The following SOX13 variants were observed in gnomAD, a reference collection of about 807,000 sequenced individuals.
SOX13 encodes SRY-box transcription factor 13.
SOX13 carries 28 observed loss-of-function variants against 71.8 expected under a neutral mutation model. The observed-to-expected ratio is 0.39, with a 90% CI of 0.29 to 0.53. SOX13 has a LOEUF of 0.53. SOX13 is among the 20% of genes least tolerant of loss of function. SOX13 has a pLI of 0.70. For synonymous variants in SOX13, 309 were observed against 317.8 expected (o/e 0.97, Z 0.29); for missense variants, 627 against 810.3 (o/e 0.77, Z 2.75).
At chr1:204,117,038 AAGC>A in intron 5 of SOX13, 81 bp from the exon 6 acceptor site, 1 of 1,368,966 alleles carries the variant, frequency 7.3e-7, no homozygotes, top group Non-Finnish European at 1.0e-6. Context: ...CCACTGTAGA[AAGC>A]AGGGTGTGGT....
chr1:204,124,173 TGATTGGTGGCCACG>T (rs1161349001), intron 12 of SOX13, among the ~76,000 whole-genome samples: 1 of 152,210 alleles, frequency 6.6e-6, no homozygotes, highest in Non-Finnish European at 1.5e-5. Context: ...TTATATGTCC[TGATTGGTGGCCACG>T]GAGGGATGTT....
intron 1 of SOX13, among the ~76,000 whole-genome samples, chr1:204,096,818 A>T (rs746860893): frequency 6.6e-6 from 1 of 152,024 alleles, no homozygotes; most frequent in Non-Finnish European, 1.5e-5. Flanking sequence ...TCCCATCAGA[A>T]ATTCTCTACA....
intron 1 of SOX13, among the ~76,000 whole-genome samples, chr1:204,085,731 T>C (rs1350161598): frequency 6.6e-6 from 1 of 151,010 alleles, no homozygotes; most frequent in African/African-American, 2.4e-5. Flanking sequence ...TCCCAGCACT[T>C]TGGGAGGCCG....
chr1:204,122,766 C>A, intron 9 of SOX13, 88 bp from the exon 10 acceptor site: 1 of 790,644 alleles, frequency 1.3e-6, no homozygotes, highest in Non-Finnish European at 2.0e-6. Context: ...AGTGGCATGG[C>A]GGGAAGCTGA....
intron 2 of SOX13, 35 bp downstream of exon 2, chr1:204,113,169 C>A: frequency 6.8e-7 from 1 of 1,470,818 alleles, no homozygotes. Context: ...TCCTCACACC[C>A]ATGCGCTGTA....
At chr1:204,079,883 C>T (rs934829655) in intron 1 of SOX13, among the ~76,000 whole-genome samples, 7 of 150,030 alleles carry the variant, frequency 4.7e-5, no homozygotes, top group Non-Finnish European at 1.0e-4. Context: ...TGAGGTTTCC[C>T]CTGCCTCCTC....
chr1:204,106,268 A>C (rs1656468251), intron 1 of SOX13, among the ~76,000 whole-genome samples: 1 of 152,178 alleles, frequency 6.6e-6, no homozygotes, highest in East Asian at 1.9e-4. Flanking sequence ...AGGAAGAGGC[A>C]GCAGAGGATA....
chr1:204,102,211 G>C (rs1191548605), intron 1 of SOX13, among the ~76,000 whole-genome samples: 1 of 152,218 alleles, frequency 6.6e-6, no homozygotes, highest in Non-Finnish European at 1.5e-5. Flanking sequence ...TGGCAAAGGT[G>C]AGATTTCATC....
Position 204,117,121 on chromosome 1 carries a change from G to A in SOX13, c.592-1G>A. On this transcript the variant is annotated splice_acceptor_variant, in intron 5 of 13. Coordinates refer to ENST00000367204, the MANE Select transcript of SOX13 (RefSeq NM_005686.3). LOFTEE classifies it high-confidence loss of function. Reference sequence around the variant, plus strand: ...CTCTGCCTACTCTTTCCCTCTCCCAGATTGCAAAGCAGCAGCAGCAGCTGA... The same window carrying A: ...CTCTGCCTACTCTTTCCCTCTCCCAAATTGCAAAGCAGCAGCAGCAGCTGA... The A allele has an allele frequency of 6.2e-7, 1 of 1,613,928 alleles. No individual in the cohort carries two copies. The highest frequency in any genetic ancestry group is 8.5e-7 in the Non-Finnish European group (1 of 1,179,854).
At position 204,114,622 on chromosome 1, in the gene SOX13, G is replaced by C; in HGVS notation, c.418+17G>C. The C allele has an allele frequency of 6.3e-7, 1 of 1,588,886 alleles. No individual in the cohort carries two copies. Reference sequence around the variant, plus strand: ...ATGTCAAAGGTGAAGGCCTGTTGGGGGTGGGGGAGATGTTTGAACCCCATC... The same window carrying C: ...ATGTCAAAGGTGAAGGCCTGTTGGGCGTGGGGGAGATGTTTGAACCCCATC... On this transcript the variant is annotated intron_variant, in intron 4 of 13. Coordinates refer to ENST00000367204, the MANE Select transcript of SOX13 (RefSeq NM_005686.3).
chr1:204,085,843 G>A (rs1656005986), intron 1 of SOX13, among the ~76,000 whole-genome samples: 1 of 151,934 alleles, frequency 6.6e-6, no homozygotes, highest in African/African-American at 2.4e-5. Context: ...AGCTGGGCGT[G>A]GTGCCGGGGG....
At chr1:204,114,278 C>T in intron 2 of SOX13, 43 bp from the exon 3 acceptor site, 1 of 1,362,400 alleles carries the variant, frequency 7.3e-7, no homozygotes, top group Non-Finnish European at 1.0e-6. Flanking sequence ...CAGCCTGTCC[C>T]CTTCTCTTGG....
At chr1:204,109,473 G>A (rs1476909011) in intron 1 of SOX13, among the ~76,000 whole-genome samples, 3 of 152,154 alleles carry the variant, frequency 2.0e-5, no homozygotes, top group Middle Eastern at 3.4e-3. Context: ...AATTACCTAC[G>A]GTATTCAGTA....
At chr1:204,099,297 A>G (rs1326229561) in intron 1 of SOX13, among the ~76,000 whole-genome samples, 1 of 152,228 alleles carries the variant, frequency 6.6e-6, no homozygotes, top group African/African-American at 2.4e-5. Context: ...AGGAATTAAA[A>G]GGCTAAATCC....
At chr1:204,122,087 C>A in intron 8 of SOX13, 102 bp downstream of exon 8, 2 of 1,050,196 alleles carry the variant, frequency 1.9e-6, no homozygotes, top group South Asian at 3.0e-5. Flanking sequence ...GCCCTGGCAT[C>A]CTGTGTTCTT....
intron 1 of SOX13, among the ~76,000 whole-genome samples, chr1:204,099,814 G>T (rs1467749080): frequency 2.0e-5 from 3 of 152,130 alleles, no homozygotes; most frequent in Admixed American, 6.6e-5. Context: ...AAAGTGATTC[G>T]AACAGTGCTT....
At chr1:204,122,477 T>G in intron 9 of SOX13, 78 bp downstream of exon 9, 1 of 1,133,280 alleles carries the variant, frequency 8.8e-7, no homozygotes, top group South Asian at 1.4e-5. Flanking sequence ...CTTGAGCAGG[T>G]CCCTTCTCCT....
chr1:204,077,988 A>G (rs1385387239), intron 1 of SOX13: 1 of 151,920 alleles, frequency 6.6e-6, no homozygotes, highest in Non-Finnish European at 1.5e-5. Flanking sequence ...ATTTTTTTGT[A>G]TTTTTAGTAG....
At chr1:204,092,549 G>A (rs997599622) in intron 1 of SOX13, among the ~76,000 whole-genome samples, 1 of 152,252 alleles carries the variant, frequency 6.6e-6, no homozygotes, top group Non-Finnish European at 1.5e-5. Context: ...TACTTTGAGA[G>A]ATTAAAAGGA....
Sources: gnomAD v4.1 joint callset for allele counts (sites outside exome capture counted in the v4.1 genomes callset) on GRCh38, gnomAD v4.1.1 for gene constraint, MANE v1.5 for transcripts, NCBI Gene and HGNC (gene_info 2026-07-23, HGNC 2026-07-21) for gene names.